Variants in RSRC1 observed in about 807,000 individuals in gnomAD.
The protein encoded by RSRC1 is arginine and serine rich coiled-coil 1, also known as serine/Arginine-related protein 53.
A neutral mutation model predicts 49.1 loss-of-function variants in RSRC1; 39 were observed. The observed-to-expected ratio is 0.79, with a 90% CI of 0.61 to 1.04. The LOEUF is 1.04. Among genes scored for constraint, RSRC1 ranks in the 50% least tolerant of loss-of-function variants. The pLI is 0.00. For synonymous variants in RSRC1, 143 were observed against 130.8 expected, an observed-to-expected ratio of 1.09 and a Z score of -0.63; for missense variants, 388 against 402.4, an observed-to-expected ratio of 0.96 and a Z score of 0.31.
At chr3:158,233,297 A>G (rs527946891) in intron 4 of RSRC1, among the ~76,000 whole-genome samples, 4 of 152,234 alleles carry the variant, frequency 2.6e-5, no homozygotes, top group Non-Finnish European at 4.4e-5. Flanking sequence ...TTATTATAGC[A>G]TAGTTAAACT....
At chr3:158,189,010 T>C (rs1309284601) in intron 3 of RSRC1, among the ~76,000 whole-genome samples, 1 of 151,946 alleles carries the variant, frequency 6.6e-6, no homozygotes, top group African/African-American at 2.4e-5. Context: ...ATTTTTGATG[T>C]GTCATATTTT....
chr3:158,115,342 C>G (rs938239984), intron 1 of RSRC1, among the ~76,000 whole-genome samples: 2 of 151,734 alleles, frequency 1.3e-5, no homozygotes, highest in Admixed American at 1.3e-4. Flanking sequence ...GTGTCCCTTC[C>G]TTTTTTTCTG....
At chr3:158,372,278 CTA>C (rs1732122891) in intron 6 of RSRC1, among the ~76,000 whole-genome samples, 8 of 151,812 alleles carry the variant, frequency 5.3e-5, no homozygotes, top group Admixed American at 5.3e-4. Context: ...ATGTTTTCTT[CTA>C]GAGTTTTTAT....
intron 7 of RSRC1, among the ~76,000 whole-genome samples, chr3:158,502,984 T>C (rs1278839953): frequency 2.6e-5 from 4 of 152,138 alleles, no homozygotes; most frequent in Non-Finnish European, 5.9e-5. Flanking sequence ...TGGTTCCTTC[T>C]CATTTGGTTA....
chr3:158,146,353 T>C lies in RSRC1; in HGVS notation c.320+22362T>C, dbSNP rs1423898583. Among the ~76,000 whole-genome samples the C allele has an allele frequency of 2.6e-5, 4 of 152,330 alleles. No homozygotes were observed. In the East Asian group the frequency reaches 7.7e-4, roughly 29 times the overall value. ...TTTAGCATGAAGGGCTGTTGAATTTTGTCGAAGGCCTTTTCTGCATCTATT... is the reference window on the plus strand; with the variant it reads ...TTTAGCATGAAGGGCTGTTGAATTTCGTCGAAGGCCTTTTCTGCATCTATT... On this transcript the variant is annotated intron_variant, in intron 3 of 9. Coordinates refer to ENST00000611884, the MANE Select transcript of RSRC1 (RefSeq NM_001271838.2).
chr3:158,433,503 G>A (rs763350128), intron 6 of RSRC1, among the ~76,000 whole-genome samples: 17 of 151,940 alleles, frequency 1.1e-4, no homozygotes, highest in Non-Finnish European at 2.1e-4. Context: ...AACTGGTGAG[G>A]CTGCTCTTGG....
At chr3:158,478,234 GT>G (rs200538118) in intron 7 of RSRC1, among the ~76,000 whole-genome samples, 11 of 149,504 alleles carry the variant, frequency 7.4e-5, no homozygotes, top group African/African-American at 1.7e-4. Flanking sequence ...AGGTTTTGGG[GT>G]TTTTTTTTCT....
chr3:158,319,684 G>A (rs961804710), intron 5 of RSRC1, among the ~76,000 whole-genome samples: 4 of 152,050 alleles, frequency 2.6e-5, no homozygotes, highest in Admixed American at 6.6e-5. Flanking sequence ...TTATATTGTT[G>A]CATAATTATT....
chr3:158,236,424 C>T (rs1055959347), intron 4 of RSRC1, among the ~76,000 whole-genome samples: 1 of 152,180 alleles, frequency 6.6e-6, no homozygotes, highest in Admixed American at 6.5e-5. Flanking sequence ...GTGTAACCCA[C>T]ACCTTATCTC....
chr3:158,268,672 A>T (rs1009386915), intron 4 of RSRC1, among the ~76,000 whole-genome samples: 91 of 152,232 alleles, frequency 6.0e-4, no homozygotes, highest in African/African-American at 1.8e-3. Context: ...CCATAAATAC[A>T]TTTTTTACCA....
rs561808474 is a variant in RSRC1, at chr3:158,545,146, A to G, written c.*871A>G. The stretch of plus-strand genomic sequence containing the variant: ...ATAGGACTTTTAGGCCTTGCTTTAC[A>G]AAACTGGTTTTTAACAGCTGACATG... On this transcript the variant is annotated 3_prime_UTR_variant, in exon 10 of 10. Transcript: ENST00000611884. The G allele has an allele frequency of 1.3e-5, 2 of 151,950 alleles. No homozygotes were observed. Among genetic ancestry groups the G allele is most frequent in the South Asian group, 4.2e-4 (2 of 4,812 alleles). 9.4% of individuals were successfully genotyped at this position (151,950 alleles called of 1,614,324 possible).
chr3:158,266,621 A>C (rs827094), intron 4 of RSRC1, among the ~76,000 whole-genome samples: 68,548 of 151,866 alleles, frequency 0.45, 15,796 homozygotes, highest in East Asian at 0.64. Context: ...TTTTATTTTT[A>C]GTTGTTCCTC....
intron 3 of RSRC1, among the ~76,000 whole-genome samples, chr3:158,173,621 A>C (rs1719013390): frequency 6.6e-6 from 1 of 152,022 alleles, no homozygotes; most frequent in Admixed American, 6.6e-5. Flanking sequence ...ACCCAAGAGA[A>C]ATGTATGAAA....
Position 158,430,017 on chromosome 3 carries a change from A to G in RSRC1, c.584-30918A>G, listed in dbSNP as rs571670218. 5.3e-5 allele frequency among the ~76,000 whole-genome samples: 8 copies of G among 151,796 alleles called. No homozygotes were observed. In the South Asian group the frequency reaches 1.7e-3, roughly 32 times the overall value. Reference sequence around the variant, plus strand: ...TGACTTGTAGCTTTAAAATTTTAAGAAGGTAGATCTCATGCTAAGTATTTT... The same window carrying G: ...TGACTTGTAGCTTTAAAATTTTAAGGAGGTAGATCTCATGCTAAGTATTTT... On this transcript the variant is annotated intron_variant, in intron 6 of 9. Transcript: ENST00000611884.
At chr3:158,361,612 C>T (rs181217019) in intron 6 of RSRC1, among the ~76,000 whole-genome samples, 216 of 152,308 alleles carry the variant, frequency 1.4e-3, no homozygotes, top group African/African-American at 4.6e-3. Flanking sequence ...AATTACTCAG[C>T]GGTTCTCAGT....
intron 6 of RSRC1, among the ~76,000 whole-genome samples, chr3:158,374,525 C>T (rs994242173): frequency 6.6e-6 from 1 of 152,052 alleles, no homozygotes. Flanking sequence ...TTAGAGCAAA[C>T]CCTGAGATAG....
At chr3:158,461,814 G>A (rs1240823989) in intron 7 of RSRC1, among the ~76,000 whole-genome samples, 19 of 151,724 alleles carry the variant, frequency 1.3e-4, no homozygotes, top group Non-Finnish European at 4.4e-5. Context: ...TTGGACTTTT[G>A]AGTGCTGTAG....
intron 4 of RSRC1, among the ~76,000 whole-genome samples, chr3:158,216,317 A>G (rs1721940192): frequency 6.6e-6 from 1 of 151,368 alleles, no homozygotes; most frequent in African/African-American, 2.4e-5. Context: ...TTTTTAAAAA[A>G]AATCTATTAT....
chr3:158,252,513 T>G (rs971934689), intron 4 of RSRC1, among the ~76,000 whole-genome samples: 3 of 152,210 alleles, frequency 2.0e-5, no homozygotes, highest in African/African-American at 7.2e-5. Context: ...TTGAGGATTT[T>G]TGCATCAATG....
Sources: gnomAD v4.1 joint callset for allele counts (sites outside exome capture counted in the v4.1 genomes callset) on GRCh38, gnomAD v4.1.1 for gene constraint, MANE v1.5 for transcripts, NCBI Gene and HGNC (gene_info 2026-07-23, HGNC 2026-07-21) for gene names.